B3GALT1: variants seen among roughly 807,000 people sequenced by gnomAD.
B3GALT1 encodes the protein beta-1,3-galactosyltransferase 1.
In B3GALT1, 10 loss-of-function variants were observed where a neutral mutation model predicts 23.2. The ratio of observed to expected loss-of-function variants is 0.43; its 90% CI spans 0.27 to 0.73. The LOEUF is 0.73. Ranked by LOEUF, B3GALT1 falls within the 30% of genes least tolerant of loss-of-function variation. The pLI is 0.21. For missense variants in B3GALT1, 299 were observed against 405.4 expected (o/e 0.74, Z 2.25); for synonymous variants, 156 against 141.5 (o/e 1.10, Z -0.73).
chr2:167,776,526 A>G lies in B3GALT1; in HGVS notation c.-351-42146A>G, dbSNP rs13397277. ...ACTGAGCTAGGCGGAGTGCCGACCC[A>G]TGGCAGGCACTCAATACGTTTACTT... On this transcript the variant is annotated intron_variant, in intron 3 of 4. Transcript: ENST00000392690. Among the ~76,000 whole-genome samples, 407 of 152,308 alleles carry G rather than the reference A, an allele frequency of 2.7e-3. 1 individual carries two copies. Among genetic ancestry groups the G allele is most frequent in the Non-Finnish European group, 3.9e-3 (263 of 68,014 alleles).
chr2:167,774,047 C>T (rs1443773170), intron 3 of B3GALT1, among the ~76,000 whole-genome samples: 4 of 152,204 alleles, frequency 2.6e-5, no homozygotes, highest in Admixed American at 2.6e-4. Flanking sequence ...ATTTGAAAGA[C>T]AATTTATTAT....
At chr2:167,515,009 A>G (rs1382720738) in intron 2 of B3GALT1, among the ~76,000 whole-genome samples, 2 of 152,126 alleles carry the variant, frequency 1.3e-5, no homozygotes, top group African/African-American at 4.8e-5. Flanking sequence ...TTACTTAGAA[A>G]TAGACCAAAA....
chr2:167,618,411 T>C (rs1391015172), intron 2 of B3GALT1, among the ~76,000 whole-genome samples: 2 of 152,034 alleles, frequency 1.3e-5, no homozygotes, highest in African/African-American at 4.8e-5. Context: ...TATGTATAAA[T>C]TTTTCTGAAC....
At chr2:167,471,886 A>C (rs1045616690) in intron 1 of B3GALT1, among the ~76,000 whole-genome samples, 3 of 152,126 alleles carry the variant, frequency 2.0e-5, no homozygotes, top group African/African-American at 7.2e-5. Flanking sequence ...AATGGCTCTC[A>C]GTGAGAGGCC....
intron 2 of B3GALT1, among the ~76,000 whole-genome samples, chr2:167,519,069 TACAA>T (rs1558890492): frequency 2.7e-5 from 4 of 148,742 alleles, no homozygotes; most frequent in African/African-American, 4.9e-5. Context: ...AGAAAACAAA[TACAA>T]TTTCTTTTTT....
At chr2:167,707,406 C>T (rs528614341) in intron 3 of B3GALT1, among the ~76,000 whole-genome samples, 3 of 152,146 alleles carry the variant, frequency 2.0e-5, no homozygotes, top group Admixed American at 6.5e-5. Context: ...CTTTCCATTC[C>T]GTAGGGTAGA....
intron 3 of B3GALT1, among the ~76,000 whole-genome samples, chr2:167,700,377 T>A (rs996167455): frequency 2.6e-5 from 4 of 152,338 alleles, no homozygotes; most frequent in African/African-American, 7.2e-5. Context: ...TCCTATTTTA[T>A]TACCACTATA....
chr2:167,775,115 A>T (rs1688139185), intron 3 of B3GALT1, among the ~76,000 whole-genome samples: 1 of 152,228 alleles, frequency 6.6e-6, no homozygotes, highest in Non-Finnish European at 1.5e-5. Flanking sequence ...AGGAAGATAA[A>T]TATATATTTT....
At chr2:167,331,786 T>C (rs1018724380) in intron 1 of B3GALT1, among the ~76,000 whole-genome samples, 1 of 151,982 alleles carries the variant, frequency 6.6e-6, no homozygotes, top group Admixed American at 6.5e-5. Context: ...GGGTGCTCAG[T>C]TGGAGGTAGC....
intron 4 of B3GALT1, among the ~76,000 whole-genome samples, chr2:167,829,419 G>T (rs58055641): frequency 0.066 from 9,951 of 151,488 alleles, 858 homozygotes; most frequent in African/African-American, 0.2. Context: ...GGAGGCGGAG[G>T]TTACAGGGAG....
At chr2:167,707,762 C>G (rs1037079841) in intron 3 of B3GALT1, among the ~76,000 whole-genome samples, 3 of 152,182 alleles carry the variant, frequency 2.0e-5, no homozygotes, top group Non-Finnish European at 2.9e-5. Context: ...TAACCTAACA[C>G]GTCCACAGAT....
chr2:167,394,437 C>G (rs535036837), intron 1 of B3GALT1, among the ~76,000 whole-genome samples: 1 of 152,048 alleles, frequency 6.6e-6, no homozygotes, highest in Admixed American at 6.6e-5. Context: ...TTCTAAAATA[C>G]AATTATCTAT....
At chr2:167,740,831 C>G (rs1184242082) in intron 3 of B3GALT1, among the ~76,000 whole-genome samples, 9 of 152,044 alleles carry the variant, frequency 5.9e-5, no homozygotes, top group African/African-American at 2.2e-4. Context: ...GCCTTCAGAC[C>G]CCACTATACA....
intron 3 of B3GALT1, among the ~76,000 whole-genome samples, chr2:167,724,559 A>G (rs991199486): frequency 2.6e-5 from 4 of 152,196 alleles, no homozygotes; most frequent in African/African-American, 7.2e-5. Context: ...GCTTTTTACT[A>G]TATGGGTTAT....
intron 3 of B3GALT1, among the ~76,000 whole-genome samples, chr2:167,804,370 A>G (rs777103125): frequency 1.1e-4 from 17 of 151,384 alleles, no homozygotes; most frequent in Non-Finnish European, 2.5e-4. Context: ...GTACATGTGC[A>G]CAATGTGCAG....
chr2:167,596,639 A>G (rs1185390615), intron 2 of B3GALT1, among the ~76,000 whole-genome samples: 1 of 152,094 alleles, frequency 6.6e-6, no homozygotes, highest in Non-Finnish European at 1.5e-5. Context: ...CCGTCTCTTA[A>G]GTTTTTCCCC....
At chr2:167,565,239 A>C (rs1021319265) in intron 2 of B3GALT1, among the ~76,000 whole-genome samples, 14 of 152,202 alleles carry the variant, frequency 9.2e-5, no homozygotes, top group African/African-American at 3.4e-4. Flanking sequence ...CAAACCTGAG[A>C]AAAAGAAGCA....
chr2:167,444,181 A>G (rs189500556), intron 1 of B3GALT1, among the ~76,000 whole-genome samples: 1,810 of 152,220 alleles, frequency 0.012, 42 homozygotes, highest in African/African-American at 0.042. Flanking sequence ...ATTGATTTGC[A>G]TATTTTGAAC....
chr2:167,468,977 A>G lies in B3GALT1; in HGVS notation c.-510-21200A>G, dbSNP rs1699385716. On this transcript the variant is annotated intron_variant, in intron 1 of 4. Transcript: ENST00000392690. ...CTTATATCCAATATTGTACTGGACC[A>G]TGTATTTACTGAATAAAATAAAAGG... Among the ~76,000 whole-genome samples, 6 of 152,246 alleles carry G rather than the reference A, an allele frequency of 3.9e-5. No homozygotes were observed. In the South Asian group the frequency reaches 8.3e-4, roughly 21 times the overall value.
Sources: gnomAD v4.1 joint callset for allele counts (sites outside exome capture counted in the v4.1 genomes callset) on GRCh38, gnomAD v4.1.1 for gene constraint, MANE v1.5 for transcripts, NCBI Gene and HGNC (gene_info 2026-07-23, HGNC 2026-07-21) for gene names.